The following TRAF3IP1 variants were observed in gnomAD, a reference collection of about 807,000 sequenced individuals.
The protein encoded by TRAF3IP1 is intraflagellar transport 54.
Under a neutral mutation model 89.9 loss-of-function variants are expected in TRAF3IP1, and 53 were observed. The ratio of observed to expected loss-of-function variants is 0.59; its 90% CI spans 0.47 to 0.74. The LOEUF (loss-of-function observed/expected upper bound fraction) is 0.74, where lower values mean the gene tolerates loss of function less well. Ranked by LOEUF, TRAF3IP1 falls within the 30% of genes least tolerant of loss-of-function variation. TRAF3IP1 has a pLI of 0.00. For synonymous variants in TRAF3IP1, 311 were observed against 322.1 expected (o/e 0.97, Z 0.37); for missense variants, 806 against 866.1 (o/e 0.93, Z 0.87).
rs1701359500 is a variant in TRAF3IP1 at position 238,398,887 on chromosome 2, G to A, written c.2044G>A (p.Val682Ile). 1.2e-6 allele frequency: 2 copies of A among 1,611,264 alleles called. No individual in the cohort carries two copies. Among genetic ancestry groups the A allele is most frequent in the African/African-American group, 2.7e-5 (2 of 74,706 alleles). ...LKNEEKIQKM[V>I]YSINLTSRR is the part of the protein sequence containing the mutation. Reference sequence around the variant, plus strand: ...GAATGAAGAAAAAATCCAGAAAATGGTATATAGTATCAATTTGACTTCGAG... The same window carrying A: ...GAATGAAGAAAAAATCCAGAAAATGATATATAGTATCAATTTGACTTCGAG... The change falls in exon 17 of 17, where the codon GTA becomes ATA. Residue 682 changes from valine (V) to isoleucine (I), a missense_variant. Physicochemically the swap from Val to Ile is conservative, Grantham distance 29. Around this residue, in one of 3 missense-constraint regions of TRAF3IP1, gnomAD observed 70 missense variants for 67.8 expected, o/e 1.03. Coordinates refer to ENST00000373327, the MANE Select transcript of TRAF3IP1 (RefSeq NM_015650.4).
At chr2:238,372,920 T>C (rs1700167451) in intron 15 of TRAF3IP1, among the ~76,000 whole-genome samples, 2 of 152,256 alleles carry the variant, frequency 1.3e-5, no homozygotes, top group Non-Finnish European at 2.9e-5. Context: ...GTTGGCTGCA[T>C]AGATGTCTTC....
intron 15 of TRAF3IP1, among the ~76,000 whole-genome samples, chr2:238,381,910 G>A (rs892867637): frequency 3.3e-5 from 5 of 152,208 alleles, no homozygotes; most frequent in Non-Finnish European, 5.9e-5. Context: ...GAAAGGGGCT[G>A]GCGGGTAGGA....
rs1219885241 is a variant in TRAF3IP1 at position 238,351,862 on chromosome 2, TGTGTGC to T, written c.1452-963_1452-958del. Among the ~76,000 whole-genome samples the T allele has an allele frequency of 1.6e-4, 15 of 95,434 alleles. No homozygotes were observed. The highest frequency in any genetic ancestry group is 9.2e-3 in the Middle Eastern group (2 of 218). 62.6% of individuals were successfully genotyped at this position (95,434 alleles called of 152,430 possible). ...GTGTGTGTGTGTGTGTGTGTGTGTG[TGTGTGC>T]GCGCGCGCGCGTGTGCGTGCATGTG... On this transcript the variant is annotated intron_variant, in intron 12 of 16. Transcript: ENST00000373327. The surrounding 1 kb of genome is among the most constrained non-coding windows in gnomAD (Gnocchi z 5.2).
At chr2:238,384,380 GTA>G (rs58730491) in intron 15 of TRAF3IP1, among the ~76,000 whole-genome samples, 5 of 143,280 alleles carry the variant, frequency 3.5e-5, no homozygotes, top group East Asian at 2.0e-4. Context: ...ATGTATGTAT[GTA>G]TATATATATA....
intron 15 of TRAF3IP1, among the ~76,000 whole-genome samples, chr2:238,358,212 G>T (rs530800622): frequency 6.6e-6 from 1 of 151,218 alleles, no homozygotes. Context: ...CCGGATTCAC[G>T]CCATTCTCCT....
chr2:238,348,888 C>T, intron 11 of TRAF3IP1, 40 bp downstream of exon 11: 1 of 1,544,122 alleles, frequency 6.5e-7, no homozygotes, highest in South Asian at 1.1e-5. Context: ...GCAGAGTGAT[C>T]ACACCTAGGA....
At chr2:238,394,221 A>T (rs1701115304) in intron 15 of TRAF3IP1, among the ~76,000 whole-genome samples, 1 of 152,110 alleles carries the variant, frequency 6.6e-6, no homozygotes, top group African/African-American at 2.4e-5. Context: ...AATTGGGTAG[A>T]CTGGTTATTT....
At chr2:238,322,997 G>A (rs1697633969) in intron 1 of TRAF3IP1, among the ~76,000 whole-genome samples, 1 of 152,060 alleles carries the variant, frequency 6.6e-6, no homozygotes, top group Admixed American at 6.6e-5. Flanking sequence ...TTTAGCTATA[G>A]CTACACTAAC....
intron 8 of TRAF3IP1, among the ~76,000 whole-genome samples, chr2:238,341,545 T>TA (rs1698656224): frequency 6.8e-6 from 1 of 146,214 alleles, no homozygotes; most frequent in Non-Finnish European, 1.5e-5. Context: ...TTTTTTTTTT[T>TA]TAAAAAAAAA....
At chr2:238,322,399 G>A (rs956766551) in intron 1 of TRAF3IP1, among the ~76,000 whole-genome samples, 1 of 152,210 alleles carries the variant, frequency 6.6e-6, no homozygotes, top group African/African-American at 2.4e-5. Context: ...GAGAGGAGGA[G>A]GAACATGGGC....
At chr2:238,368,340 A>G (rs1699971908) in intron 15 of TRAF3IP1, among the ~76,000 whole-genome samples, 1 of 152,240 alleles carries the variant, frequency 6.6e-6, no homozygotes, top group South Asian at 2.1e-4. Context: ...TGGCATTAAA[A>G]TGCTTCGATT....
chr2:238,348,914 C>T, intron 11 of TRAF3IP1, 66 bp downstream of exon 11: 2 of 1,352,576 alleles, frequency 1.5e-6, no homozygotes, highest in Non-Finnish European at 2.1e-6. Flanking sequence ...CTGTGCTTCT[C>T]TTTCTGGCTG....
intron 15 of TRAF3IP1, among the ~76,000 whole-genome samples, chr2:238,377,230 CTTTTTTTTTTT>C (rs71402784): frequency 2.4e-4 from 21 of 86,716 alleles, no homozygotes; most frequent in Admixed American, 9.9e-4. Context: ...TCCTGATTTT[CTTTTTTTTTTT>C]TTTTTTTTTT....
In TRAF3IP1 at chr2:238,320,687, A is replaced by C. The variant is rs763786645; in HGVS notation, c.25A>C (p.Thr9Pro). 1.4e-6 allele frequency: 2 copies of C among 1,417,060 alleles called. No individual in the cohort carries two copies. The highest frequency in any genetic ancestry group is 1.5e-5 in the African/African-American group (1 of 66,978). 87.8% of individuals were successfully genotyped at this position (1,417,060 alleles called of 1,614,324 possible). Reference sequence around the variant, plus strand: ...CATGAACGCGGCGGTGGTGAGGCGGACGCAGGAGGCGCTGGGGAAAGTGAT... The same window carrying C: ...CATGAACGCGGCGGTGGTGAGGCGGCCGCAGGAGGCGCTGGGGAAAGTGAT... MNAAVVRR[T>P]QEALGKVIRR... is the part of the protein sequence containing the mutation. The change falls in exon 1 of 17, where the codon ACG (threonine) becomes CCG (proline). Residue 9 changes from threonine to proline, a missense_variant. Coordinates refer to ENST00000373327, the MANE Select transcript of TRAF3IP1 (RefSeq NM_015650.4).
At chr2:238,332,802 GA>G (rs1338940331) in intron 5 of TRAF3IP1, 21 bp from the exon 6 acceptor site, 2 of 1,432,972 alleles carry the variant, frequency 1.4e-6, no homozygotes, top group Non-Finnish European at 2.0e-6. Flanking sequence ...TCTAAAGTTT[GA>G]ATTTTTTTTT....
In TRAF3IP1 at chr2:238,320,536, C is replaced by T. The variant is rs930473756; in HGVS notation, c.-127C>T. 5 of 1,017,070 alleles carry T rather than the reference C, an allele frequency of 4.9e-6. No homozygotes were observed. The African/African-American group carries it at 6.9e-5, about 14-fold the overall frequency. 63.0% of individuals were successfully genotyped at this position (1,017,070 alleles called of 1,614,324 possible). A position where few individuals can be genotyped will look rare whatever the true frequency, so the allele number is the denominator to read the frequency against. On this transcript the variant is annotated 5_prime_UTR_variant, in exon 1 of 17. Coordinates refer to ENST00000373327, the MANE Select transcript of TRAF3IP1 (RefSeq NM_015650.4). ...CTCCGGTGCACTGTGGGATGGAAAC[C>T]GGAGCGGCGCGTCCTGGCAGGACCG... is the stretch of plus-strand genomic sequence containing the variant.
intron 15 of TRAF3IP1, among the ~76,000 whole-genome samples, chr2:238,368,402 A>C (rs999912531): frequency 2.0e-5 from 3 of 152,192 alleles, no homozygotes; most frequent in Non-Finnish European, 4.4e-5. Context: ...GACTGTTATT[A>C]AGGTTTTTCT....
intron 3 of TRAF3IP1, among the ~76,000 whole-genome samples, chr2:238,327,995 G>A (rs1697922055): frequency 6.6e-6 from 1 of 152,088 alleles, no homozygotes; most frequent in South Asian, 2.1e-4. Context: ...ACTGTCAATG[G>A]TACAGTTTGC....
Position 238,352,916 on chromosome 2 carries a change from C to G in TRAF3IP1, c.1541C>G (p.Ala514Gly). Residue 514 changes from alanine (A) to glycine (G), a missense_variant, in exon 13 of 17, where the codon GCC (alanine) becomes GGC (glycine). Ala to Gly is a moderately conservative substitution (Grantham distance 60, BLOSUM62 0). Coordinates refer to ENST00000373327, the MANE Select transcript of TRAF3IP1 (RefSeq NM_015650.4). ...GATGATCAATTTGTGGTGGAAGCTG[C>G]CCCTCAGCTCTCTGAAATGTCAGAA... ...EEDDQFVVEA[A>G]PQLSEMSEIE... is the part of the protein sequence containing the mutation. 6.2e-7 allele frequency: 1 copy of G among 1,612,654 alleles called. No homozygotes were observed. Among genetic ancestry groups the G allele is most frequent in the African/African-American group, 1.3e-5 (1 of 74,964 alleles).
Sources: gnomAD v4.1 joint callset for allele counts (sites outside exome capture counted in the v4.1 genomes callset) on GRCh38, gnomAD v4.1.1 for gene constraint, gnomAD v4.1.1 regional missense constraint, Gnocchi (gnomAD v3.1) non-coding constraint, MANE v1.5 for transcripts, NCBI Gene and HGNC (gene_info 2026-07-23, HGNC 2026-07-21) for gene names.